TMEM74: variants seen among roughly 807,000 people sequenced by gnomAD.
TMEM74 encodes transmembrane protein 74.
A neutral mutation model predicts 18.1 loss-of-function variants in TMEM74; 13 were observed. The ratio of observed to expected loss-of-function variants is 0.72; its 90% CI spans 0.47 to 1.14. The LOEUF (loss-of-function observed/expected upper bound fraction) is 1.14. TMEM74 is among the 50% of genes most tolerant of loss of function. TMEM74 has a pLI of 0.00. For missense variants in TMEM74, 372 were observed against 375.9 expected, an observed-to-expected ratio of 0.99 and a Z score of 0.09; for synonymous variants, 159 against 146.6, an observed-to-expected ratio of 1.08 and a Z score of -0.61.
chr8:108,651,174 T>C (rs1477061418), intron 2 of TMEM74, among the ~76,000 whole-genome samples: 3 of 152,066 alleles, frequency 2.0e-5, no homozygotes, highest in East Asian at 3.9e-4. Context: ...TCCATAAAAA[T>C]GGGATTAAAA....
Position 108,784,834 on chromosome 8 carries a change from C to T in TMEM74, c.265G>A (p.Gly89Arg). Residue 89 changes from glycine (G) to arginine (R), a missense_variant, in exon 2 of 2, where the codon GGG (glycine) becomes AGG (arginine). Transcript: ENST00000297459. Reference protein sequence around the residue: ...DAFPPGLLHSGNNQITAERKV... With the variant: ...DAFPPGLLHSRNNQITAERKV... ...CGTTCCGCTGTTATTTGGTTGTTCC[C>T]TGAGTGGAGAAGTCCTGGTGGAAAG... 6.2e-7 allele frequency: 1 copy of T among 1,614,182 alleles called. No homozygotes were observed. The highest frequency in any genetic ancestry group is 1.6e-4 in the Middle Eastern group (1 of 6,062).
At chr8:108,702,522 C>T (rs1813347758) in intron 1 of TMEM74, among the ~76,000 whole-genome samples, 2 of 152,012 alleles carry the variant, frequency 1.3e-5, no homozygotes, top group Admixed American at 6.6e-5. Flanking sequence ...TTACACCCTT[C>T]ACAAAAATTA....
At chr8:108,665,351 G>A (rs1371476346) in intron 1 of TMEM74, among the ~76,000 whole-genome samples, 1 of 152,148 alleles carries the variant, frequency 6.6e-6, no homozygotes, top group Non-Finnish European at 1.5e-5. Context: ...GTTATAGGGA[G>A]TGTGAGAGCA....
In TMEM74 at chr8:108,784,770, G is replaced by C; in HGVS notation, c.329C>G (p.Ser110Cys). The C allele has an allele frequency of 1.2e-6, 2 of 1,614,216 alleles. No homozygotes were observed. Among genetic ancestry groups the C allele is most frequent in the South Asian group, 2.2e-5 (2 of 91,086 alleles). ...GATGTTTTTGTCCACATAGGTAAAA[G>C]AAGTTTCTAATTCCTGGCTGCAGCA... is the stretch of plus-strand genomic sequence containing the variant. ...CNCCSQELETSFTYVDKNINL... is the reference protein window; with the variant it reads ...CNCCSQELETCFTYVDKNINL... Residue 110 changes from serine to cysteine, a missense_variant, in exon 2 of 2, where the codon TCT becomes TGT. Physicochemically the swap from Ser to Cys is moderately radical, Grantham distance 112 (BLOSUM62 -1). Coordinates refer to ENST00000297459, the MANE Select transcript of TMEM74 (RefSeq NM_153015.3).
intron 1 of TMEM74, among the ~76,000 whole-genome samples, chr8:108,669,605 A>G (rs902665703): frequency 6.6e-6 from 1 of 151,858 alleles, no homozygotes; most frequent in African/African-American, 2.4e-5. Context: ...AAATTTTAAT[A>G]AGATTTTAAG....
In TMEM74 at chr8:108,780,451, A is replaced by G. The variant is rs189098189; in HGVS notation, c.*3730T>C. On this transcript the variant is annotated 3_prime_UTR_variant, in exon 2 of 2. Coordinates refer to ENST00000297459, the MANE Select transcript of TMEM74 (RefSeq NM_153015.3). Reference sequence around the variant, plus strand: ...ATTGGGTTCAGGCTTTTAATTCTCAATATTTAACTAGCATGGTGCTCAGTC... The same window carrying G: ...ATTGGGTTCAGGCTTTTAATTCTCAGTATTTAACTAGCATGGTGCTCAGTC... Among the ~76,000 whole-genome samples the G allele has an allele frequency of 9.8e-4, 149 of 152,248 alleles. No homozygotes were observed. Among genetic ancestry groups the G allele is most frequent in the Admixed American group, 3.3e-3 (51 of 15,286 alleles).
At chr8:108,652,462 C>G in intron 2 of TMEM74, 1 of 369,888 alleles carries the variant, frequency 2.7e-6, no homozygotes, top group Non-Finnish European at 5.1e-6. Flanking sequence ...TGAGAGCTTT[C>G]AGTTTCTGCA....
At chr8:108,673,746 C>T (rs1476206006) in intron 1 of TMEM74, among the ~76,000 whole-genome samples, 1 of 152,138 alleles carries the variant, frequency 6.6e-6, no homozygotes, top group African/African-American at 2.4e-5. Flanking sequence ...GTGGGAAATA[C>T]AGAAAATCTG....
intron 2 of TMEM74, chr8:108,652,342 C>A: frequency 5.6e-6 from 1 of 177,228 alleles, no homozygotes. Flanking sequence ...TTGAAAAAAG[C>A]AAAGTGCATG....
chr8:108,787,216 T>G (rs1181583612), intron 1 of TMEM74, among the ~76,000 whole-genome samples: 1 of 152,180 alleles, frequency 6.6e-6, no homozygotes, highest in African/African-American at 2.4e-5. Context: ...AGGCGACCTC[T>G]GGATGCGCCC....
At chr8:108,653,920 G>A (rs1206150344) in intron 2 of TMEM74, among the ~76,000 whole-genome samples, 1 of 152,018 alleles carries the variant, frequency 6.6e-6, no homozygotes, top group Non-Finnish European at 1.5e-5. Flanking sequence ...CCATTGGGTA[G>A]GTGGGAATTT....
chr8:108,614,722 G>A (rs1014099856), intron 2 of TMEM74, among the ~76,000 whole-genome samples: 6 of 152,144 alleles, frequency 3.9e-5, no homozygotes, highest in African/African-American at 2.4e-5. Context: ...CAGGAGCACT[G>A]CATTGGGGTG....
intron 1 of TMEM74, among the ~76,000 whole-genome samples, chr8:108,715,432 G>C (rs757113864): frequency 1.3e-5 from 2 of 149,514 alleles, no homozygotes; most frequent in African/African-American, 2.5e-5. Flanking sequence ...AGCGGAAAAA[G>C]AAAAAAAAAT....
intron 2 of TMEM74, among the ~76,000 whole-genome samples, chr8:108,609,789 T>A (rs532522486): frequency 6.6e-6 from 1 of 152,360 alleles, no homozygotes; most frequent in Admixed American, 6.5e-5. Flanking sequence ...ATAAACCTCA[T>A]TGCAATGATT....
downstream of TMEM74, among the ~76,000 whole-genome samples, chr8:108,777,440 G>C (rs1385527726): frequency 2.0e-5 from 3 of 152,114 alleles, no homozygotes; most frequent in Non-Finnish European, 4.4e-5. Context: ...GTCTCATTAG[G>C]GGTAAGAAGT....
At chr8:108,614,137 G>A (rs966686891) in intron 2 of TMEM74, among the ~76,000 whole-genome samples, 1 of 148,862 alleles carries the variant, frequency 6.7e-6, no homozygotes, top group Non-Finnish European at 1.5e-5. Flanking sequence ...AAGCTATTAT[G>A]CAATGTTATA....
Position 108,713,960 on chromosome 8 carries a change from T to C in TMEM74, n.120-58523A>G, listed in dbSNP as rs140616868. ...GGCCAGGGAGCCTGGAGTTGTTGCA[T>C]AGGGACAGGAGAAAAAGAGTGTATC... On this transcript the variant is annotated intron_variant and non_coding_transcript_variant, in intron 1 of 3. Coordinates refer to the TMEM74 transcript ENST00000518838. Among the ~76,000 whole-genome samples the C allele has an allele frequency of 3.6e-3, 543 of 152,282 alleles. 2 individuals are homozygous for C. The highest frequency in any genetic ancestry group is 6.5e-3 in the Non-Finnish European group (440 of 68,018).
At chr8:108,633,027 C>G (rs1011145507) in intron 2 of TMEM74, among the ~76,000 whole-genome samples, 2 of 151,920 alleles carry the variant, frequency 1.3e-5, no homozygotes, top group African/African-American at 4.8e-5. Flanking sequence ...CATTAGGCAG[C>G]AATCCTCTTC....
chr8:108,632,179 A>G (rs1321465289), intron 2 of TMEM74, among the ~76,000 whole-genome samples: 1 of 152,002 alleles, frequency 6.6e-6, no homozygotes, highest in Non-Finnish European at 1.5e-5. Flanking sequence ...CAAGCTGTAG[A>G]TGATACAGGA....
Sources: allele counts gnomAD v4.1 joint callset (sites outside exome capture counted in the v4.1 genomes callset), GRCh38; gene constraint gnomAD v4.1.1; transcripts MANE v1.5; gene names NCBI Gene and HGNC (gene_info 2026-07-23, HGNC 2026-07-21).